The following KCNT2 variants were observed in gnomAD, a reference collection of about 807,000 sequenced individuals.
KCNT2 encodes potassium sodium-activated channel subfamily T member 2.
KCNT2 carries 67 observed loss-of-function variants against 153.8 expected under a neutral mutation model. The observed-to-expected ratio is 0.44, with a 90% confidence interval of 0.36 to 0.53. The LOEUF (loss-of-function observed/expected upper bound fraction) is 0.53. KCNT2 is among the 20% of genes least tolerant of loss of function. The pLI, the probability that KCNT2 is intolerant of heterozygous loss-of-function variation, is 0.00. For missense variants in KCNT2, 975 were observed against 1,354.8 expected, an observed-to-expected ratio of 0.72 and a Z score of 4.40; for synonymous variants, 500 against 458.8, an observed-to-expected ratio of 1.09 and a Z score of -1.15.
At chr1:196,282,425 C>T (rs544108833) in intron 23 of KCNT2, 69 bp from the exon 24 acceptor site, 4 of 744,982 alleles carry the variant, frequency 5.4e-6, no homozygotes, top group Non-Finnish European at 9.1e-6. Context: ...ATGTGTAGAA[C>T]AGCTAAAAGT....
intron 26 of KCNT2, among the ~76,000 whole-genome samples, chr1:196,252,803 C>T (rs1483209868): frequency 6.6e-6 from 1 of 151,074 alleles, no homozygotes. Context: ...TATTTGCCTT[C>T]ATTTTAGAAA....
intron 1 of KCNT2, among the ~76,000 whole-genome samples, chr1:196,507,946 G>C (rs184011205): frequency 6.6e-6 from 1 of 151,912 alleles, no homozygotes; most frequent in East Asian, 1.9e-4. Context: ...TGTTTGAGAA[G>C]AAGAATAAAG....
intron 22 of KCNT2, among the ~76,000 whole-genome samples, chr1:196,294,590 A>G (rs999659203): frequency 1.3e-5 from 2 of 152,030 alleles, no homozygotes; most frequent in Non-Finnish European, 2.9e-5. Context: ...GCCATTATGA[A>G]AAACAGTATG....
At chr1:196,378,238 T>C (rs972365883) in intron 13 of KCNT2, among the ~76,000 whole-genome samples, 8 of 152,198 alleles carry the variant, frequency 5.3e-5, no homozygotes, top group African/African-American at 1.9e-4. Context: ...GTGCATTTCC[T>C]TCTTCTGTTT....
intron 26 of KCNT2, among the ~76,000 whole-genome samples, chr1:196,237,472 T>C (rs80136445): frequency 0.015 from 2,316 of 151,810 alleles, 22 homozygotes; most frequent in Middle Eastern, 0.037. Flanking sequence ...TCCACATCTA[T>C]GGGATAGACA....
intron 14 of KCNT2, among the ~76,000 whole-genome samples, chr1:196,371,181 C>T (rs576925432): frequency 2.4e-5 from 3 of 123,144 alleles, no homozygotes; most frequent in African/African-American, 6.5e-5. Context: ...CCCAGGAGTT[C>T]GAGACTAGCC....
chr1:196,558,584 G>A (rs1658991408), intron 1 of KCNT2, among the ~76,000 whole-genome samples: 2 of 151,364 alleles, frequency 1.3e-5, no homozygotes, highest in Non-Finnish European at 3.0e-5. Flanking sequence ...CCAGTAATTT[G>A]CCAGGAAAAC....
intron 16 of KCNT2, among the ~76,000 whole-genome samples, chr1:196,338,813 G>C (rs1238920712): frequency 1.3e-5 from 2 of 151,760 alleles, no homozygotes; most frequent in Admixed American, 6.6e-5. Flanking sequence ...GAAAAAAACT[G>C]AATGATTCTA....
rs1673279306 is a variant in KCNT2, at chr1:196,422,276, C to G, written c.1185+774G>C. On this transcript the variant is annotated intron_variant, in intron 12 of 27. Transcript: ENST00000294725. Reference sequence around the variant, plus strand: ...GCTCCAGAAGAGAATAAAACGTATACCTGAAAGATCTATGCACAGTTTGCC... The same window carrying G: ...GCTCCAGAAGAGAATAAAACGTATAGCTGAAAGATCTATGCACAGTTTGCC... Among the ~76,000 whole-genome samples, 8 of 151,844 alleles carry G rather than the reference C, an allele frequency of 5.3e-5. No homozygotes were observed. In the Admixed American group the frequency reaches 5.3e-4, roughly 10 times the overall value.
At chr1:196,286,537 G>A (rs1207918003) in intron 22 of KCNT2, among the ~76,000 whole-genome samples, 3 of 151,910 alleles carry the variant, frequency 2.0e-5, no homozygotes, top group Non-Finnish European at 2.9e-5. Context: ...GTCTCTAGCT[G>A]TCCATCATCT....
chr1:196,351,361 G>A (rs1202008501), intron 14 of KCNT2, among the ~76,000 whole-genome samples: 2 of 152,026 alleles, frequency 1.3e-5, no homozygotes, highest in Admixed American at 6.6e-5. Context: ...CCATTTGTTG[G>A]TATCCTCTTT....
At chr1:196,480,753 G>A (rs527247829) in intron 4 of KCNT2, among the ~76,000 whole-genome samples, 108 of 150,896 alleles carry the variant, frequency 7.2e-4, no homozygotes, top group African/African-American at 2.4e-3. Flanking sequence ...CTACTCCGGA[G>A]GCTGAGGCAG....
chr1:196,509,731 T>C (rs549178803), intron 1 of KCNT2, among the ~76,000 whole-genome samples: 127 of 152,308 alleles, frequency 8.3e-4, no homozygotes, highest in African/African-American at 2.8e-3. Context: ...TTTAATAAGT[T>C]AATTAATTAA....
At chr1:196,242,997 A>G (rs924429548) in intron 26 of KCNT2, among the ~76,000 whole-genome samples, 1 of 152,192 alleles carries the variant, frequency 6.6e-6, no homozygotes, top group African/African-American at 2.4e-5. Flanking sequence ...TAGTGTGGCA[A>G]CTACTACCAT....
At chr1:196,290,343 T>A (rs1026708947) in intron 22 of KCNT2, among the ~76,000 whole-genome samples, 9 of 152,030 alleles carry the variant, frequency 5.9e-5, no homozygotes, top group Non-Finnish European at 1.3e-4. Flanking sequence ...TTGGACCCCT[T>A]GCTCATTTTC....
chr1:196,401,137 C>A (rs1671379670), intron 12 of KCNT2, among the ~76,000 whole-genome samples: 1 of 151,822 alleles, frequency 6.6e-6, no homozygotes, highest in Admixed American at 6.6e-5. Context: ...ACAATCTGAG[C>A]TGACATTTGT....
chr1:196,313,779 T>C (rs764153117), intron 21 of KCNT2, among the ~76,000 whole-genome samples: 1 of 151,604 alleles, frequency 6.6e-6, no homozygotes, highest in Admixed American at 6.6e-5. Flanking sequence ...ACAGAGGTAA[T>C]TTCTTTGCAA....
At chr1:196,461,454 T>C (rs1015835387) in intron 8 of KCNT2, among the ~76,000 whole-genome samples, 1 of 151,650 alleles carries the variant, frequency 6.6e-6, no homozygotes. Context: ...ACCCATGAAA[T>C]AATATGAAAA....
Position 196,444,454 on chromosome 1 carries a change from C to T in KCNT2, c.639-14697G>A, listed in dbSNP as rs560034895. 5.0e-4 allele frequency among the ~76,000 whole-genome samples: 75 copies of T among 151,108 alleles called. 1 individual carries two copies. In the South Asian group the frequency reaches 7.5e-3, roughly 15 times the overall value. Reference sequence around the variant, plus strand: ...GCTTTCCTTTGAATTTATATTTCGTCGTCCTCTCATCAGTTTACCTTAAAA... The same window carrying T: ...GCTTTCCTTTGAATTTATATTTCGTTGTCCTCTCATCAGTTTACCTTAAAA... On this transcript the variant is annotated intron_variant, in intron 8 of 27. Transcript: ENST00000294725.
Sources: allele counts gnomAD v4.1 joint callset (sites outside exome capture counted in the v4.1 genomes callset), GRCh38; gene constraint gnomAD v4.1.1; transcripts MANE v1.5; gene names NCBI Gene and HGNC (gene_info 2026-07-23, HGNC 2026-07-21).